Variants in SLIT1 observed in about 807,000 individuals in gnomAD.
The protein encoded by SLIT1 is slit homolog 1 protein.
In SLIT1, 66 loss-of-function variants were observed where a neutral mutation model predicts 186.1. The ratio of observed to expected loss-of-function variants is 0.35; its 90% CI spans 0.29 to 0.44. The LOEUF (loss-of-function observed/expected upper bound fraction) is 0.44. SLIT1 is among the 20% of genes least tolerant of loss of function. The probability of loss-of-function intolerance (pLI) is 1.00; values close to 1 mark genes in which losing one functional copy is unlikely to be tolerated. For missense variants in SLIT1, 1,638 were observed against 2,037.4 expected (o/e 0.80, Z 3.77); for synonymous variants, 761 against 833.8 (o/e 0.91, Z 1.50).
intron 26 of SLIT1, among the ~76,000 whole-genome samples, chr10:97,019,325 G>C (rs1409094390): frequency 6.6e-6 from 1 of 152,202 alleles, no homozygotes; most frequent in Non-Finnish European, 1.5e-5. Flanking sequence ...CTCTGGGCTG[G>C]AAGGGCTAAA....
chr10:97,027,659 T>C lies in SLIT1; in HGVS notation c.2582+3098A>G, dbSNP rs560397054. 2.6e-5 allele frequency among the ~76,000 whole-genome samples: 4 copies of C among 152,392 alleles called. No individual in the cohort carries two copies. The South Asian group carries it at 8.3e-4, about 32-fold the overall frequency. On this transcript the variant is annotated intron_variant, in intron 25 of 36. Transcript: ENST00000266058. ...AAACTAGATCTGGCTTCTGGCCTGATATCACTGTTCTCCTAAAGAAAGTCT... is the reference window on the plus strand; with the variant it reads ...AAACTAGATCTGGCTTCTGGCCTGACATCACTGTTCTCCTAAAGAAAGTCT...
At position 97,184,049 on chromosome 10, in the gene SLIT1, C is replaced by A. The variant is rs1049703194; in HGVS notation, c.197+1429G>T. Among the ~76,000 whole-genome samples, 1 of 151,268 alleles carries A rather than the reference C, an allele frequency of 6.6e-6. No homozygotes were observed. The highest frequency in any genetic ancestry group is 1.5e-5 in the Non-Finnish European group (1 of 67,792). ...ACACACACACACACACACACACACACACACACACACTTCCCATCTAGATTG... is the reference window on the plus strand; with the variant it reads ...ACACACACACACACACACACACACAAACACACACACTTCCCATCTAGATTG... On this transcript the variant is annotated intron_variant, in intron 1 of 36. Coordinates refer to ENST00000266058, the MANE Select transcript of SLIT1 (RefSeq NM_003061.3). This position sits in a 1 kb window ranked among gnomAD's most constrained non-coding sequence, Gnocchi z 4.4.
Position 97,030,776 on chromosome 10 carries a change from C to T in SLIT1, c.2563G>A (p.Val855Met), listed in dbSNP as rs765149937. 9.9e-6 allele frequency: 16 copies of T among 1,613,814 alleles called. No homozygotes were observed. Among genetic ancestry groups the T allele is most frequent in the Non-Finnish European group, 1.3e-5 (15 of 1,179,898 alleles). ...STLQEGIFADVTSLSHLAIGA... is the reference protein window; with the variant it reads ...STLQEGIFADMTSLSHLAIGA... Reference sequence around the variant, plus strand: ...ACTCACAGGTGAGACAGGGAGGTCACGTCTGCAAAGATGCCCTCTTGGAGG... The same window carrying T: ...ACTCACAGGTGAGACAGGGAGGTCATGTCTGCAAAGATGCCCTCTTGGAGG... Residue 855 changes from valine to methionine, a missense_variant, in exon 25 of 37, where the codon GTG (valine) becomes ATG (methionine). Physicochemically the swap from Val to Met is conservative, Grantham distance 21. Transcript: ENST00000266058.
intron 23 of SLIT1, among the ~76,000 whole-genome samples, chr10:97,033,279 C>T (rs928432744): frequency 3.3e-5 from 5 of 152,138 alleles, no homozygotes; most frequent in African/African-American, 1.2e-4. Context: ...TGGGTCAGGG[C>T]CCCTTCCTTT....
chr10:97,052,686 G>C (rs1848800744), intron 13 of SLIT1, among the ~76,000 whole-genome samples: 1 of 152,088 alleles, frequency 6.6e-6, no homozygotes, highest in African/African-American at 2.4e-5. Context: ...AAGTAAAACT[G>C]CAGCAAAATC....
intron 8 of SLIT1, among the ~76,000 whole-genome samples, chr10:97,061,188 TAA>T (rs1848891064): frequency 6.6e-6 from 1 of 152,238 alleles, no homozygotes. Flanking sequence ...CATGCTATAA[TAA>T]GTGCACTACA....
intron 4 of SLIT1, among the ~76,000 whole-genome samples, chr10:97,089,510 GA>G (rs1849206852): frequency 6.6e-6 from 1 of 152,234 alleles, no homozygotes; most frequent in Non-Finnish European, 1.5e-5. Context: ...GGAGGTGTCA[GA>G]CTCTGAAGAT....
chr10:97,066,419 T>C (rs1848947011), intron 4 of SLIT1, among the ~76,000 whole-genome samples: 1 of 152,178 alleles, frequency 6.6e-6, no homozygotes, highest in Non-Finnish European at 1.5e-5. Flanking sequence ...TGATGTAGTT[T>C]GGATATTTGG....
intron 4 of SLIT1, among the ~76,000 whole-genome samples, chr10:97,111,026 C>T (rs1849459370): frequency 6.6e-6 from 1 of 152,032 alleles, no homozygotes; most frequent in African/African-American, 2.4e-5. Flanking sequence ...CCCATCTCTA[C>T]TAAAAATACA....
chr10:97,038,883 G>A (rs1477855859), intron 21 of SLIT1, among the ~76,000 whole-genome samples: 1 of 152,194 alleles, frequency 6.6e-6, no homozygotes, highest in Admixed American at 6.5e-5. Flanking sequence ...GTTTAGAGAA[G>A]TTAAAAGATT....
chr10:97,010,919 G>A lies in SLIT1; in HGVS notation c.3341+74C>T. The stretch of plus-strand genomic sequence containing the variant: ...GACCCACACCCCTTTCCTTCGCCAT[G>A]GCTGGAGGCTCCTGCCAGCCCAGGG... On this transcript the variant is annotated intron_variant, in intron 31 of 36. Coordinates refer to ENST00000266058, the MANE Select transcript of SLIT1 (RefSeq NM_003061.3). This position sits in a 1 kb window ranked among gnomAD's most constrained non-coding sequence, Gnocchi z 4.8. The A allele has an allele frequency of 6.8e-7, 1 of 1,468,402 alleles. No homozygotes were observed. The highest frequency in any genetic ancestry group is 9.3e-7 in the Non-Finnish European group (1 of 1,070,670). The allele number at this position is 1,468,402 out of a possible 1,614,324, so 91.0% of individuals were successfully genotyped here. A position where few individuals can be genotyped will look rare whatever the true frequency, so the allele number is the denominator to read the frequency against.
chr10:97,164,937 C>G, intron 1 of SLIT1, 47 bp from the exon 2 acceptor site: 1 of 1,479,868 alleles, frequency 6.8e-7, no homozygotes, highest in East Asian at 2.3e-5. Flanking sequence ...GCAGGGTAAG[C>G]CCCCAGGCCA....
chr10:97,090,482 G>A (rs1045042772), intron 4 of SLIT1, among the ~76,000 whole-genome samples: 1 of 152,200 alleles, frequency 6.6e-6, no homozygotes, highest in Non-Finnish European at 1.5e-5. Context: ...AGGCATGGCT[G>A]GGATGTGAGT....
intron 1 of SLIT1, among the ~76,000 whole-genome samples, chr10:97,183,485 G>C (rs1850369450): frequency 6.6e-6 from 1 of 152,108 alleles, no homozygotes; most frequent in South Asian, 2.1e-4. Flanking sequence ...CCATTTTCCT[G>C]ATGGAAAGCA....
chr10:97,065,436 G>A (rs1848936135), intron 5 of SLIT1: 1 of 154,616 alleles, frequency 6.5e-6, no homozygotes, highest in Admixed American at 6.4e-5. Flanking sequence ...CCCTGCTGTA[G>A]TCAGACTTCA....
intron 4 of SLIT1, among the ~76,000 whole-genome samples, chr10:97,072,962 C>A (rs1441741707): frequency 2.0e-5 from 3 of 152,192 alleles, no homozygotes; most frequent in African/African-American, 7.2e-5. Context: ...TCAAGAAATG[C>A]GGGCTGTTGT....
At chr10:97,145,204 C>A (rs374102986) in intron 4 of SLIT1, among the ~76,000 whole-genome samples, 1 of 151,860 alleles carries the variant, frequency 6.6e-6, no homozygotes, top group Non-Finnish European at 1.5e-5. Context: ...TGCAATGGTG[C>A]GGTCCCGGGT....
intron 31 of SLIT1, among the ~76,000 whole-genome samples, chr10:97,009,890 A>G (rs563244566): frequency 6.6e-6 from 1 of 152,384 alleles, no homozygotes; most frequent in South Asian, 2.1e-4. Context: ...GATGCTCAAC[A>G]TTATTGGCCA....
At chr10:97,158,743 G>C (rs1849986693) in intron 3 of SLIT1, among the ~76,000 whole-genome samples, 1 of 151,738 alleles carries the variant, frequency 6.6e-6, no homozygotes, top group African/African-American at 2.4e-5. Flanking sequence ...AGCCAGGCAT[G>C]ATGGCATGCA....
Sources: allele counts gnomAD v4.1 joint callset (sites outside exome capture counted in the v4.1 genomes callset), GRCh38; gene constraint gnomAD v4.1.1; non-coding constraint Gnocchi (gnomAD v3.1); transcripts MANE v1.5; gene names NCBI Gene and HGNC (gene_info 2026-07-23, HGNC 2026-07-21).